The following STK35 variants were observed in gnomAD, a reference collection of about 807,000 sequenced individuals.
STK35 encodes serine/threonine-protein kinase 35.
Under a neutral mutation model 37.3 loss-of-function variants are expected in STK35, and 17 were observed. The observed-to-expected ratio is 0.46, with a 90% CI of 0.31 to 0.68. The LOEUF is 0.68. Ranked by LOEUF, STK35 falls within the 30% of genes least tolerant of loss-of-function variation. The pLI is 0.05. For missense variants in STK35, 595 were observed against 746.7 expected (o/e 0.80, Z 2.37); for synonymous variants, 385 against 319.1 (o/e 1.21, Z -2.20).
intron 3 of STK35, among the ~76,000 whole-genome samples, chr20:2,129,184 A>G (rs956276235): frequency 1.2e-4 from 19 of 152,160 alleles, no homozygotes; most frequent in African/African-American, 4.6e-4. Flanking sequence ...TTTCTGTTCC[A>G]CAGACATGTA....
chr20:2,104,134 A>G (rs1225315991), intron 2 of STK35, among the ~76,000 whole-genome samples: 1 of 152,346 alleles, frequency 6.6e-6, no homozygotes. Flanking sequence ...GCAGTCCTGG[A>G]GGAACTAATT....
Position 2,101,863 on chromosome 20 carries a change from T to G in STK35, c.-19T>G, listed in dbSNP as rs1327308606. The G allele has an allele frequency of 1.1e-5, 16 of 1,406,314 alleles. No individual in the cohort carries two copies. Among genetic ancestry groups the G allele is most frequent in the Non-Finnish European group, 1.5e-5 (16 of 1,078,248 alleles). The allele number at this position is 1,406,314 out of a possible 1,614,324, so 87.1% of individuals were successfully genotyped here. ...CAGGACCGGGCGGTGCAGGGCTCAC[T>G]CGGCTGGCGTCCCGGGGGATGGGCC... On this transcript the variant is annotated 5_prime_UTR_variant, in exon 1 of 4. Transcript: ENST00000381482.
chr20:2,101,844 C>T lies in STK35; in HGVS notation c.-38C>T, dbSNP rs1985389912. On this transcript the variant is annotated 5_prime_UTR_variant, in exon 1 of 4. Coordinates refer to ENST00000381482, the MANE Select transcript of STK35 (RefSeq NM_080836.4). Reference sequence around the variant, plus strand: ...GCTGCTCCGTCGACCTTTGCAGGACCGGGCGGTGCAGGGCTCACTCGGCTG... The same window carrying T: ...GCTGCTCCGTCGACCTTTGCAGGACTGGGCGGTGCAGGGCTCACTCGGCTG... 3 of 1,323,724 alleles carry T rather than the reference C, an allele frequency of 2.3e-6. No individual in the cohort carries two copies. The highest frequency in any genetic ancestry group is 3.6e-5 in the Admixed American group (1 of 27,472). The allele number at this position is 1,323,724 out of a possible 1,614,324, so 82.0% of individuals were successfully genotyped here. A position where few individuals can be genotyped will look rare whatever the true frequency, so the allele number is the denominator to read the frequency against.
intron 3 of STK35, among the ~76,000 whole-genome samples, chr20:2,138,702 T>G (rs1224244118): frequency 6.6e-6 from 1 of 152,140 alleles, no homozygotes. Context: ...CTACTTACTT[T>G]CATCATCATT....
chr20:2,113,612 G>A (rs1177396063), intron 2 of STK35, among the ~76,000 whole-genome samples: 1 of 152,190 alleles, frequency 6.6e-6, no homozygotes, highest in African/African-American at 2.4e-5. Flanking sequence ...TTCATTCTAA[G>A]ATCTAAATTT....
intron 2 of STK35, among the ~76,000 whole-genome samples, chr20:2,109,612 T>C (rs886679022): frequency 6.6e-6 from 1 of 152,214 alleles, no homozygotes; most frequent in African/African-American, 2.4e-5. Flanking sequence ...CCAGTGTCCA[T>C]GTTCTTGACA....
chr20:2,116,422 G>A (rs1002810209), intron 2 of STK35, among the ~76,000 whole-genome samples: 7 of 152,092 alleles, frequency 4.6e-5, no homozygotes, highest in African/African-American at 1.2e-4. Context: ...AAAAGGCTTC[G>A]CAGTCAACCA....
intron 2 of STK35, among the ~76,000 whole-genome samples, chr20:2,111,989 T>C (rs948420038): frequency 2.0e-5 from 3 of 152,192 alleles, no homozygotes; most frequent in Admixed American, 1.3e-4. Flanking sequence ...TTCCTAGTTC[T>C]CACAGCTGTA....
chr20:2,116,041 A>G (rs901565185), intron 2 of STK35, among the ~76,000 whole-genome samples: 4 of 152,086 alleles, frequency 2.6e-5, no homozygotes, highest in East Asian at 1.9e-4. Context: ...GATACCTGTC[A>G]TCTCCTTGAA....
At chr20:2,130,932 T>C (rs1292735578) in intron 3 of STK35, among the ~76,000 whole-genome samples, 1 of 152,194 alleles carries the variant, frequency 6.6e-6, no homozygotes, top group East Asian at 1.9e-4. Flanking sequence ...ATCTGCCTGC[T>C]CACCAGACCC....
chr20:2,117,990 CTCA>C lies in STK35; in HGVS notation c.*37+580_*37+582del, dbSNP rs1159135818. Among the ~76,000 whole-genome samples, 2 of 152,180 alleles carry C rather than the reference CTCA, an allele frequency of 1.3e-5. No homozygotes were observed. The highest frequency in any genetic ancestry group is 4.8e-5 in the African/African-American group (2 of 41,430). ...CTCCCTTTTTTTAGAAACGCTCTTTCTCATCATTATAAATGCTCACTGTAGAAA... is the reference window on the plus strand; with the variant it reads ...CTCCCTTTTTTTAGAAACGCTCTTTCTCATTATAAATGCTCACTGTAGAAA... On this transcript the variant is annotated intron_variant, in intron 3 of 3. Transcript: ENST00000381482. This position sits in a 1 kb window ranked among gnomAD's most constrained non-coding sequence, Gnocchi z 4.4.
intron 3 of STK35, among the ~76,000 whole-genome samples, chr20:2,126,264 A>AGG (rs1985904573): frequency 6.6e-6 from 1 of 152,182 alleles, no homozygotes; most frequent in Non-Finnish European, 1.5e-5. Flanking sequence ...TTTAGACCCC[A>AGG]ATATGGTCTC....
intron 3 of STK35, among the ~76,000 whole-genome samples, chr20:2,125,835 A>G (rs551060936): frequency 6.6e-6 from 1 of 152,348 alleles, no homozygotes; most frequent in South Asian, 2.1e-4. Flanking sequence ...CAAAATTGCC[A>G]AAAGTTTGGA....
intron 3 of STK35, among the ~76,000 whole-genome samples, chr20:2,132,074 T>TC (rs560728459): frequency 3.9e-5 from 6 of 152,090 alleles, no homozygotes; most frequent in East Asian, 1.9e-4. Flanking sequence ...AGTATTGTTG[T>TC]CCCCCCAACT....
In STK35 at chr20:2,144,357, G is replaced by T. The variant is rs1370252766; in HGVS notation, c.*611G>T. The T allele has an allele frequency of 6.0e-6, 1 of 167,726 alleles. No individual in the cohort carries two copies. Among genetic ancestry groups the T allele is most frequent in the Admixed American group, 5.8e-5 (1 of 17,264 alleles). 10.4% of individuals were successfully genotyped at this position (167,726 alleles called of 1,614,324 possible). On this transcript the variant is annotated 3_prime_UTR_variant, in exon 4 of 4. Transcript: ENST00000381482. ...CCCTGGCTAGCCCTTGGGCCTCGGA[G>T]ATGATCAGAGGTGAAGAACCGCCTG...
rs770196528 is a variant in STK35, at chr20:2,117,429, G to A, written c.*37+14G>A. On this transcript the variant is annotated intron_variant, in intron 3 of 3. Transcript: ENST00000381482. This position sits in a 1 kb window ranked among gnomAD's most constrained non-coding sequence, Gnocchi z 4.4. ...ATTTTAAACTAGGTGAGTGCTCTCTGTTGTTGTTTTTTGTTTTTTGTTTTG... is the reference window on the plus strand; with the variant it reads ...ATTTTAAACTAGGTGAGTGCTCTCTATTGTTGTTTTTTGTTTTTTGTTTTG... 1.2e-5 allele frequency: 18 copies of A among 1,463,960 alleles called. 1 individual carries two copies. The South Asian group carries it at 2.1e-4, about 17-fold the overall frequency. The allele number at this position is 1,463,960 out of a possible 1,614,324, so 90.7% of individuals were successfully genotyped here.
intron 3 of STK35, among the ~76,000 whole-genome samples, chr20:2,125,237 G>A (rs1030277361): frequency 1.3e-5 from 2 of 152,156 alleles, no homozygotes; most frequent in African/African-American, 4.8e-5. Flanking sequence ...CCCCAGGGAC[G>A]CAGACACTCC....
intron 3 of STK35, among the ~76,000 whole-genome samples, chr20:2,140,771 A>G (rs1463618550): frequency 6.6e-6 from 1 of 152,208 alleles, no homozygotes; most frequent in Non-Finnish European, 1.5e-5. Context: ...CATGGGACCC[A>G]GTGATTACAG....
chr20:2,129,779 G>A (rs907058160), intron 3 of STK35, among the ~76,000 whole-genome samples: 2 of 152,082 alleles, frequency 1.3e-5, no homozygotes, highest in Non-Finnish European at 2.9e-5. Context: ...TGGCATTGAA[G>A]CCGAGACCTG....
Sources: gnomAD v4.1 joint callset for allele counts (sites outside exome capture counted in the v4.1 genomes callset) on GRCh38, gnomAD v4.1.1 for gene constraint, Gnocchi (gnomAD v3.1) non-coding constraint, MANE v1.5 for transcripts, NCBI Gene and HGNC (gene_info 2026-07-23, HGNC 2026-07-21) for gene names.